KCNT1: variants seen among roughly 807,000 people sequenced by gnomAD.
KCNT1 encodes the protein potassium channel subfamily T member 1.
KCNT1 carries 78 observed loss-of-function variants against 147.8 expected under a neutral mutation model. The ratio of observed to expected loss-of-function variants is 0.53; its 90% CI spans 0.44 to 0.64. The LOEUF is 0.64. KCNT1 is among the 30% of genes least tolerant of loss of function. The pLI is 0.00. For missense variants in KCNT1, 1,419 were observed against 1,750.3 expected, an observed-to-expected ratio of 0.81 and a Z score of 3.38; for synonymous variants, 867 against 748.8, an observed-to-expected ratio of 1.16 and a Z score of -2.58.
chr9:135,785,403 GCCAGGCCCCAC>G, intron 28 of KCNT1, 73 bp downstream of exon 28: 1 of 1,543,490 alleles, frequency 6.5e-7, no homozygotes, highest in Non-Finnish European at 8.8e-7. Flanking sequence ...GGAGAAGCCT[GCCAGGCCCCAC>G]CCACCCACCC....
At chr9:135,765,931 G>A (rs376819307) in intron 13 of KCNT1, among the ~76,000 whole-genome samples, 171 bp downstream of exon 13, 47 of 151,818 alleles carry the variant, frequency 3.1e-4, no homozygotes, top group African/African-American at 9.0e-4. Flanking sequence ...TGGATCGTCC[G>A]GGGTGGACCA....
chr9:135,718,386 C>T (rs913658517), intron 2 of KCNT1, among the ~76,000 whole-genome samples: 2 of 152,162 alleles, frequency 1.3e-5, no homozygotes, highest in African/African-American at 2.4e-5. Context: ...ACCTGCCTGC[C>T]GGCTCTGGGT....
rs772935037 is a variant in KCNT1, at chr9:135,730,645, C to T, written c.254+15925C>T. Among the ~76,000 whole-genome samples the T allele has an allele frequency of 8.5e-5, 13 of 152,080 alleles. No homozygotes were observed. The highest frequency in any genetic ancestry group is 2.2e-4 in the African/African-American group (9 of 41,396). On this transcript the variant is annotated intron_variant, in intron 2 of 30. Coordinates refer to ENST00000371757, the MANE Select transcript of KCNT1 (RefSeq NM_020822.3). The surrounding 1 kb of genome is among the most constrained non-coding windows in gnomAD (Gnocchi z 4.7). The stretch of plus-strand genomic sequence containing the variant: ...GGACTCCAGAAGGAGCCAGCCCTGC[C>T]GGCACTTCAGGCTTGGGATTTCGGA...
chr9:135,710,359 A>G (rs1835436181), intron 1 of KCNT1, among the ~76,000 whole-genome samples: 1 of 152,204 alleles, frequency 6.6e-6, no homozygotes, highest in South Asian at 2.1e-4. Context: ...CGGCCCTCCC[A>G]AGGCAAGGGG....
intron 23 of KCNT1, 49 bp from the exon 24 acceptor site, chr9:135,779,310 C>A (rs1325453615): frequency 1.7e-6 from 2 of 1,186,068 alleles, no homozygotes; most frequent in East Asian, 2.3e-5. Context: ...CACCCTGAGA[C>A]CTCCTACAAC....
At chr9:135,733,954 T>C (rs1588282800) in intron 2 of KCNT1, among the ~76,000 whole-genome samples, 1 of 125,188 alleles carries the variant, frequency 8.0e-6, no homozygotes, top group African/African-American at 3.1e-5. Flanking sequence ...GCGCTGTCCC[T>C]CCCCCCTAGT....
At chr9:135,763,016 G>A (rs1193510157) in intron 11 of KCNT1, among the ~76,000 whole-genome samples, 10 of 152,222 alleles carry the variant, frequency 6.6e-5, no homozygotes, top group Admixed American at 3.9e-4. Context: ...CCTTTCTCCC[G>A]TGTGGGGCAG....
chr9:135,744,478 G>A (rs1830713855), intron 2 of KCNT1, among the ~76,000 whole-genome samples: 1 of 152,220 alleles, frequency 6.6e-6, no homozygotes. Context: ...GCAGGACTGG[G>A]GCAGAGCCGC....
At chr9:135,736,321 G>C (rs1588285864) in intron 2 of KCNT1, among the ~76,000 whole-genome samples, 1 of 152,154 alleles carries the variant, frequency 6.6e-6, no homozygotes, top group Non-Finnish European at 1.5e-5. Context: ...GCCGCCCGGG[G>C]TGGGCGCCCA....
intron 2 of KCNT1, among the ~76,000 whole-genome samples, chr9:135,729,491 C>T (rs12006136): frequency 1.2e-4 from 18 of 152,260 alleles, no homozygotes; most frequent in African/African-American, 4.3e-4. Context: ...GTCTCAGCCT[C>T]ATGGGACCCT....
chr9:135,784,746 G>T lies in KCNT1; in HGVS notation c.3028-15G>T, dbSNP rs760921331. The T allele has an allele frequency of 3.7e-6, 6 of 1,611,932 alleles. No individual in the cohort carries two copies. Among genetic ancestry groups the T allele is most frequent in the South Asian group, 2.2e-5 (2 of 91,040 alleles). On this transcript the variant is annotated splice_polypyrimidine_tract_variant and intron_variant, in intron 26 of 30. Transcript: ENST00000371757. ...TGCCACCTGCCCCAGCCAACTCAGGGTTCCCACCCTGCAGATGAAAATCAC... is the reference window on the plus strand; with the variant it reads ...TGCCACCTGCCCCAGCCAACTCAGGTTTCCCACCCTGCAGATGAAAATCAC...
intron 2 of KCNT1, among the ~76,000 whole-genome samples, chr9:135,734,071 C>T (rs1203406273): frequency 6.6e-6 from 1 of 152,188 alleles, no homozygotes; most frequent in Admixed American, 6.5e-5. Context: ...GTAGGCAAAG[C>T]GAGGCCCCAC....
At chr9:135,784,193 A>T in intron 25 of KCNT1, 68 bp downstream of exon 25, 1 of 1,234,634 alleles carries the variant, frequency 8.1e-7, no homozygotes, top group Non-Finnish European at 1.2e-6. Context: ...TCAGCTCTTC[A>T]GCCTGGTCCC....
intron 16 of KCNT1, 98 bp downstream of exon 16, chr9:135,770,153 G>A: frequency 1.4e-6 from 2 of 1,383,758 alleles, no homozygotes; most frequent in Non-Finnish European, 2.0e-6. Flanking sequence ...GCTTCCCAGA[G>A]GAGGGGCACA....
chr9:135,760,213 C>T (rs1048966668), intron 11 of KCNT1, among the ~76,000 whole-genome samples: 18 of 152,298 alleles, frequency 1.2e-4, no homozygotes, highest in Admixed American at 3.9e-4. Context: ...CCAGGTGCAG[C>T]AGCAGCTGCC....
rs1339990134 is a variant in KCNT1 at position 135,792,320 on chromosome 9, G to C, written c.*159G>C. On this transcript the variant is annotated 3_prime_UTR_variant, in exon 31 of 31. Coordinates refer to ENST00000371757, the MANE Select transcript of KCNT1 (RefSeq NM_020822.3). ...CACCCTGGAAAGGAGCCCCTCATGC[G>C]GGGGGAGGGCCAGCTCACCCCTGGG... The C allele has an allele frequency of 1.8e-5, 17 of 948,964 alleles. No individual in the cohort carries two copies. The highest frequency in any genetic ancestry group is 3.6e-5 in the South Asian group (2 of 56,168). 58.8% of individuals were successfully genotyped at this position (948,964 alleles called of 1,614,324 possible).
chr9:135,704,095 GA>G (rs1489901022), intron 1 of KCNT1, among the ~76,000 whole-genome samples: 1 of 152,244 alleles, frequency 6.6e-6, no homozygotes, highest in Admixed American at 6.5e-5. Context: ...GCTGCAGAAA[GA>G]AGAACCTTCG....
Position 135,771,111 on chromosome 9 carries a change from C to T in KCNT1, c.2008+16C>T, listed in dbSNP as rs751096842. 11 of 1,598,924 alleles carry T rather than the reference C, an allele frequency of 6.9e-6. No homozygotes were observed. The highest frequency in any genetic ancestry group is 1.3e-5 in the African/African-American group (1 of 74,822). ...GCCTCCATGGGTGAGCCGGGACAGG[C>T]GCGCGGGACTCCCTGGGCCTGCTCC... On this transcript the variant is annotated intron_variant, in intron 18 of 30. Coordinates refer to ENST00000371757, the MANE Select transcript of KCNT1 (RefSeq NM_020822.3).
chr9:135,752,991 G>A lies in KCNT1; in HGVS notation c.435-946G>A, dbSNP rs1023694728. ...GATGGATGATGAGCAGATGGTTGGA[G>A]GGATGAGTGGATGGATGGATGGAGG... On this transcript the variant is annotated intron_variant, in intron 4 of 30. Coordinates refer to ENST00000371757, the MANE Select transcript of KCNT1 (RefSeq NM_020822.3). The surrounding 1 kb of genome is among the most constrained non-coding windows in gnomAD (Gnocchi z 5.1). Among the ~76,000 whole-genome samples the A allele has an allele frequency of 7.4e-5, 11 of 149,336 alleles. No homozygotes were observed. Among genetic ancestry groups the A allele is most frequent in the African/African-American group, 2.7e-4 (11 of 40,340 alleles).
Sources: gnomAD v4.1 joint callset for allele counts (sites outside exome capture counted in the v4.1 genomes callset) on GRCh38, gnomAD v4.1.1 for gene constraint, Gnocchi (gnomAD v3.1) non-coding constraint, MANE v1.5 for transcripts, NCBI Gene and HGNC (gene_info 2026-07-23, HGNC 2026-07-21) for gene names.